Variants in DLGAP3 observed in about 807,000 individuals in gnomAD.
DLGAP3 encodes the protein disks large-associated protein 3.
A neutral mutation model predicts 81.2 loss-of-function variants in DLGAP3; 17 were observed. The ratio of observed to expected loss-of-function variants is 0.21; its 90% confidence interval spans 0.14 to 0.31. The LOEUF (loss-of-function observed/expected upper bound fraction) is 0.31. Among genes scored for constraint, DLGAP3 ranks in the 10% least tolerant of loss-of-function variants. DLGAP3 has a pLI of 1.00. For missense variants in DLGAP3, 1,124 were observed against 1,388.0 expected (o/e 0.81, Z 3.02); for synonymous variants, 577 against 587.4 (o/e 0.98, Z 0.26).
chr1:34,903,815 C>T (rs1639500284), intron 3 of DLGAP3, among the ~76,000 whole-genome samples: 1 of 152,160 alleles, frequency 6.6e-6, no homozygotes, highest in African/African-American at 2.4e-5. Flanking sequence ...AATAACTGAT[C>T]TTCATATTCA....
chr1:34,891,593 T>C (rs567930490), intron 5 of DLGAP3, among the ~76,000 whole-genome samples: 1 of 152,198 alleles, frequency 6.6e-6, no homozygotes. Context: ...CTTATATATG[T>C]GTGCAGGGGA....
chr1:34,884,261 C>G (rs1335708346), intron 8 of DLGAP3, among the ~76,000 whole-genome samples: 3 of 152,102 alleles, frequency 2.0e-5, no homozygotes, highest in Admixed American at 2.0e-4. Context: ...GCCTGGGAAG[C>G]TCAGATACCA....
In DLGAP3 at chr1:34,866,159, G is replaced by A. The variant is rs1638873204; in HGVS notation, c.2864C>T (p.Ser955Phe). 1.9e-6 allele frequency: 3 copies of A among 1,597,862 alleles called. No homozygotes were observed. The highest frequency in any genetic ancestry group is 2.5e-6 in the Non-Finnish European group (3 of 1,178,706). The change falls in exon 12 of 12, where the codon TCC (serine) becomes TTC (phenylalanine). Residue 955 changes from serine to phenylalanine, a missense_variant. Coordinates refer to ENST00000373347, the MANE Select transcript of DLGAP3 (RefSeq NM_001080418.3). ...CTCGGTGGCCGAGCTGTGGCGGAAG[G>A]AAGCGGCGCGCTTGGCCGCCAGGAG... ...KRLLAAKRAA[S>F]FRHSSATESA...
chr1:34,891,669 C>T (rs1198501434), intron 5 of DLGAP3, among the ~76,000 whole-genome samples: 2 of 152,138 alleles, frequency 1.3e-5, no homozygotes, highest in East Asian at 1.9e-4. Context: ...CTTTGCCCTC[C>T]CCAGCTCACA....
chr1:34,916,023 C>T (rs1160287668), intron 1 of DLGAP3, among the ~76,000 whole-genome samples: 1 of 152,114 alleles, frequency 6.6e-6, no homozygotes, highest in Non-Finnish European at 1.5e-5. Flanking sequence ...GCTGTGAGTT[C>T]CTTGAAGGCC....
Position 34,873,643 on chromosome 1 carries a change from G to A in DLGAP3, c.2001-4554C>T, listed in dbSNP as rs568751862. On this transcript the variant is annotated intron_variant, in intron 8 of 11. Transcript: ENST00000373347. This position sits in a 1 kb window ranked among gnomAD's most constrained non-coding sequence, Gnocchi z 4.2. ...AACACAATCATCGGAATGTAGCACT[G>A]AGAACCCGGCTAGGGCATTGTAGTT... Among the ~76,000 whole-genome samples, 1 of 152,334 alleles carries A rather than the reference G, an allele frequency of 6.6e-6. No homozygotes were observed. The highest frequency in any genetic ancestry group is 1.9e-4 in the East Asian group (1 of 5,194).
chr1:34,869,166 G>A, intron 8 of DLGAP3, 77 bp from the exon 9 acceptor site: 2 of 1,086,472 alleles, frequency 1.8e-6, no homozygotes, highest in East Asian at 2.5e-5. Context: ...GCAAAAAAAA[G>A]GAAGGGAATG....
In DLGAP3 at chr1:34,905,135, C is replaced by G. The variant is rs753115472; in HGVS notation, c.249G>C (p.Gly83=). 17 of 1,571,408 alleles carry G rather than the reference C, an allele frequency of 1.1e-5. No homozygotes were observed. The highest frequency in any genetic ancestry group is 9.4e-5 in the East Asian group (4 of 42,632). Residue 83 remains glycine (G), a synonymous_variant, in exon 3 of 12, where the codon GGG becomes GGC. Coordinates refer to ENST00000373347, the MANE Select transcript of DLGAP3 (RefSeq NM_001080418.3). ...TCCTGGGGAAGGTGCTGCTACCCCC[C>G]CCAACCCCGGCCCCCGCTGGCCCTC... is the stretch of plus-strand genomic sequence containing the variant. The part of the protein sequence containing the change: ...PEGGPAGAGV[G]GGSSTFPRMY...
chr1:34,886,279 C>T lies in DLGAP3; in HGVS notation c.1393G>A (p.Asp465Asn). 1.3e-6 allele frequency: 2 copies of T among 1,592,166 alleles called. No individual in the cohort carries two copies. Among genetic ancestry groups the T allele is most frequent in the East Asian group, 2.3e-5 (1 of 43,780 alleles). Reference sequence around the variant, plus strand: ...GCCTCCAGCTGCTGGTTCAACTCATCGCTGAGCTGGGGGGCAGGGGGTCGG... The same window carrying T: ...GCCTCCAGCTGCTGGTTCAACTCATTGCTGAGCTGGGGGGCAGGGGGTCGG... ...SRSLTTGQLS[D>N]ELNQQLEAVC... The change falls in exon 6 of 12, where the codon GAT becomes AAT. Residue 465 changes from aspartate to asparagine, a missense_variant. By Grantham distance (23) the Asp-to-Asn change is conservative (BLOSUM62 1). Around this residue, in one of 9 missense-constraint regions of DLGAP3, gnomAD observed 357 missense variants for 408.8 expected, o/e 0.87. Transcript: ENST00000373347.
At chr1:34,912,830 T>C (rs955191089) in intron 1 of DLGAP3, among the ~76,000 whole-genome samples, 1 of 152,188 alleles carries the variant, frequency 6.6e-6, no homozygotes, top group Non-Finnish European at 1.5e-5. Context: ...GACCTGCAGC[T>C]CATACCCCTG....
intron 8 of DLGAP3, among the ~76,000 whole-genome samples, chr1:34,877,216 G>A (rs1639071583): frequency 6.6e-6 from 1 of 152,140 alleles, no homozygotes; most frequent in African/African-American, 2.4e-5. Flanking sequence ...CGCAGCAAGG[G>A]GAGCTGGAAA....
intron 1 of DLGAP3, among the ~76,000 whole-genome samples, chr1:34,919,996 GAGA>G (rs1335195516): frequency 1.3e-5 from 2 of 152,134 alleles, no homozygotes; most frequent in Non-Finnish European, 2.9e-5. Flanking sequence ...AGTGGAGCAG[GAGA>G]AGAAGGGAAG....
In DLGAP3 at chr1:34,904,549, G is replaced by A. The variant is rs1639512283; in HGVS notation, c.835C>T (p.Pro279Ser). The change falls in exon 3 of 12, where the codon CCC (proline) becomes TCC (serine). Residue 279 changes from proline (P) to serine (S), a missense_variant. Pro to Ser is a moderately conservative substitution (Grantham distance 74, BLOSUM62 -1). Transcript: ENST00000373347. This position sits in a 1 kb window ranked among gnomAD's most constrained non-coding sequence, Gnocchi z 8.1. ...SDSGFLAGGR[P>S]PGEPGGPFCL... ...AAGGGACCACCAGGCTCCCCAGGGG[G>A]CCTCCCACCCGCCAGGAAGCCGCTA... 5.0e-6 allele frequency: 8 copies of A among 1,613,990 alleles called. No individual in the cohort carries two copies. The highest frequency in any genetic ancestry group is 1.7e-5 in the Admixed American group (1 of 60,026).
At position 34,907,401 on chromosome 1, in the gene DLGAP3, A is replaced by G. The variant is rs1639571907; in HGVS notation, c.-98T>C. The G allele has an allele frequency of 6.6e-6, 1 of 152,658 alleles. No individual in the cohort carries two copies. Among genetic ancestry groups the G allele is most frequent in the South Asian group, 2.1e-4 (1 of 4,828 alleles). The allele number at this position is 152,658 out of a possible 1,614,324, so 9.5% of individuals were successfully genotyped here. A position where few individuals can be genotyped will look rare whatever the true frequency, so the allele number is the denominator to read the frequency against. ...GATGTCAGGATCCCCACCACCAGGC[A>G]GAAGCCTAACTTCAGAAGGCTCAGG... On this transcript the variant is annotated 5_prime_UTR_variant, in exon 2 of 12. Transcript: ENST00000373347.
In DLGAP3 at chr1:34,900,633, TCCTTTCAA is replaced by T. The variant is rs1248266790; in HGVS notation, c.1108-368_1108-361del. 6.6e-6 allele frequency among the ~76,000 whole-genome samples: 1 copy of T among 152,214 alleles called. No individual in the cohort carries two copies. Among genetic ancestry groups the T allele is most frequent in the African/African-American group, 2.4e-5 (1 of 41,462 alleles). On this transcript the variant is annotated intron_variant, in intron 3 of 11. Transcript: ENST00000373347. The surrounding 1 kb of genome is among the most constrained non-coding windows in gnomAD (Gnocchi z 5.6). ...ACCTTCTACCCCTCCTTCTCCTTCA[TCCTTTCAA>T]CCTGCTTACATTCCAAATCCTCTCT...
At chr1:34,914,305 CTA>C (rs1196165266) in intron 1 of DLGAP3, among the ~76,000 whole-genome samples, 1 of 152,214 alleles carries the variant, frequency 6.6e-6, no homozygotes, top group Non-Finnish European at 1.5e-5. Flanking sequence ...CTTTTCTCAG[CTA>C]TCTCTTCCTT....
chr1:34,924,958 G>C (rs1639846746), intron 1 of DLGAP3, among the ~76,000 whole-genome samples: 1 of 152,076 alleles, frequency 6.6e-6, no homozygotes, highest in Non-Finnish European at 1.5e-5. Flanking sequence ...CATCGGGACC[G>C]AACGAAGCCT....
At chr1:34,919,816 C>G (rs1201637722) in intron 1 of DLGAP3, among the ~76,000 whole-genome samples, 4 of 152,046 alleles carry the variant, frequency 2.6e-5, no homozygotes, top group African/African-American at 9.7e-5. Context: ...AGTTGAGACA[C>G]TCAGAGAAAT....
chr1:34,889,155 G>A (rs1057031340), intron 5 of DLGAP3, among the ~76,000 whole-genome samples: 4 of 152,144 alleles, frequency 2.6e-5, no homozygotes, highest in African/African-American at 9.7e-5. Flanking sequence ...CACTCAGAAT[G>A]AGAAGTGCCT....
Sources: allele counts gnomAD v4.1 joint callset (sites outside exome capture counted in the v4.1 genomes callset), GRCh38; gene constraint gnomAD v4.1.1; regional missense constraint gnomAD v4.1.1; non-coding constraint Gnocchi (gnomAD v3.1); transcripts MANE v1.5; gene names NCBI Gene and HGNC (gene_info 2026-07-23, HGNC 2026-07-21).